Variants in SLC12A5 observed in about 807,000 individuals in gnomAD.
SLC12A5 encodes solute carrier family 12 member 5, also known as K-Cl cotransporter 2.
Under a neutral mutation model 124.0 loss-of-function variants are expected in SLC12A5, and 18 were observed. That is an observed-to-expected ratio of 0.15 (90% CI 0.10 to 0.22). The LOEUF is 0.22. SLC12A5 is among the 10% of genes least tolerant of loss of function. The probability of loss-of-function intolerance (pLI) is 1.00; values close to 1 mark genes in which losing one functional copy is unlikely to be tolerated. For missense variants in SLC12A5, 867 were observed against 1,478.7 expected (o/e 0.59, Z 6.78); for synonymous variants, 589 against 568.0 (o/e 1.04, Z -0.53).
At chr20:46,051,055 G>C (rs2084642237) in intron 17 of SLC12A5, among the ~76,000 whole-genome samples, 1 of 152,132 alleles carries the variant, frequency 6.6e-6, no homozygotes, top group Non-Finnish European at 1.5e-5. Context: ...AGGGGTGGTG[G>C]TTAAGAGTGT....
At chr20:46,028,557 A>G (rs77797882), upstream of SLC12A5, among the ~76,000 whole-genome samples, 1,255 of 152,256 alleles carry the variant, frequency 8.2e-3, 9 homozygotes, top group Non-Finnish European at 0.011. Context: ...TTTAAGACAG[A>G]TTGGGTCAGT....
At chr20:46,022,136 A>T in intron 1 of SLC12A5, 36 of 185,360 alleles carry the variant, frequency 1.9e-4, no homozygotes, top group East Asian at 3.6e-4. Flanking sequence ...GGGCCAGGGA[A>T]GGGGTTTGGA....
At chr20:46,051,925 G>T in intron 18 of SLC12A5, 55 bp downstream of exon 18, 1 of 1,357,884 alleles carries the variant, frequency 7.4e-7, no homozygotes, top group South Asian at 1.4e-5. Context: ...GGCTGTAGAG[G>T]GGTGGAACTG....
rs754540247 is a variant in SLC12A5, at chr20:46,053,680, A to C, written c.2650A>C (p.Ile884Leu). ...DLTTFLYHLR[I>L]TAEVEVVEMH... ...GACCACATTTCTGTATCATTTACGC[A>C]TCACTGCGGAGGTCGAGGTGGTGGA... Residue 884 changes from isoleucine (I) to leucine (L), a missense_variant, in exon 20 of 26, where the codon ATC (isoleucine) becomes CTC (leucine). Ile to Leu is a conservative substitution (Grantham distance 5). This residue lies in a region of SLC12A5 where 70 missense variants were observed against 157.2 expected (regional missense o/e 0.45). Transcript: ENST00000243964. This position sits in a 1 kb window ranked among gnomAD's most constrained non-coding sequence, Gnocchi z 4.7. 1 of 1,608,480 alleles carries C rather than the reference A, an allele frequency of 6.2e-7. No individual in the cohort carries two copies. The highest frequency in any genetic ancestry group is 1.3e-5 in the African/African-American group (1 of 74,958).
chr20:46,031,701 C>T (rs1321345332), intron 1 of SLC12A5, among the ~76,000 whole-genome samples: 1 of 152,202 alleles, frequency 6.6e-6, no homozygotes, highest in Admixed American at 6.5e-5. Flanking sequence ...GCTTCTTAGC[C>T]TGCGCCGCTC....
chr20:46,047,655 T>A, intron 15 of SLC12A5, 82 bp downstream of exon 15: 1 of 1,451,752 alleles, frequency 6.9e-7, no homozygotes, highest in South Asian at 1.3e-5. Flanking sequence ...CATGAGGGAT[T>A]GGGGTGGTGG....
intron 4 of SLC12A5, 142 bp from the exon 5 acceptor site, chr20:46,036,599 A>G: frequency 1.3e-6 from 1 of 755,788 alleles, no homozygotes; most frequent in Non-Finnish European, 2.2e-6. Flanking sequence ...CAGGAGTAGA[A>G]GTTGGAACAG....
At position 46,056,762 on chromosome 20, in the gene SLC12A5, G is replaced by C. The variant is rs746041755; in HGVS notation, c.3111-135G>C. The C allele has an allele frequency of 2.5e-6, 3 of 1,182,384 alleles. No individual in the cohort carries two copies. The highest frequency in any genetic ancestry group is 1.3e-5 in the South Asian group (1 of 78,240). 73.2% of individuals were successfully genotyped at this position (1,182,384 alleles called of 1,614,324 possible). ...CTCAGAATTCCCAGTTGCAGGCAGC[G>C]GAAAGGTGAAGGGTGTGGGGGCTGG... On this transcript the variant is annotated intron_variant, in intron 23 of 25. Coordinates refer to ENST00000243964, the MANE Select transcript of SLC12A5 (RefSeq NM_020708.5). This position sits in a 1 kb window ranked among gnomAD's most constrained non-coding sequence, Gnocchi z 4.3.
At chr20:46,026,874 C>A (rs1415680655), upstream of SLC12A5, among the ~76,000 whole-genome samples, 3 of 152,150 alleles carry the variant, frequency 2.0e-5, no homozygotes, top group Admixed American at 1.3e-4. Context: ...ATCACTCCTG[C>A]CTTCACCCGT....
At chr20:46,052,242 C>A (rs1187124816) in intron 18 of SLC12A5, among the ~76,000 whole-genome samples, 3 of 152,206 alleles carry the variant, frequency 2.0e-5, no homozygotes, top group African/African-American at 7.2e-5. Context: ...GATCAGATTT[C>A]TTGGTAATCG....
intron 14 of SLC12A5, among the ~76,000 whole-genome samples, chr20:46,046,962 G>A (rs934018336): frequency 3.9e-5 from 6 of 152,224 alleles, no homozygotes; most frequent in Non-Finnish European, 8.8e-5. Flanking sequence ...GGCAGACAGA[G>A]CAGAAATGAT....
chr20:46,056,722 G>A lies in SLC12A5; in HGVS notation c.3110+158G>A, dbSNP rs1172626447. Among the ~76,000 whole-genome samples, 3 of 152,122 alleles carry A rather than the reference G, an allele frequency of 2.0e-5. No individual in the cohort carries two copies. The highest frequency in any genetic ancestry group is 4.4e-5 in the Non-Finnish European group (3 of 68,014). ...TCCATCTGAGGACTTAGGGGGTTGG[G>A]CCCCATTGCTAAGTCTCAGAATTCC... On this transcript the variant is annotated intron_variant, in intron 23 of 25. Transcript: ENST00000243964. The surrounding 1 kb of genome is among the most constrained non-coding windows in gnomAD (Gnocchi z 4.3).
At position 46,053,745 on chromosome 20, in the gene SLC12A5, G is replaced by A; in HGVS notation, c.2679+36G>A. The A allele has an allele frequency of 6.5e-7, 1 of 1,529,578 alleles. No homozygotes were observed. Among genetic ancestry groups the A allele is most frequent in the South Asian group, 1.3e-5 (1 of 79,424 alleles). The allele number at this position is 1,529,578 out of a possible 1,614,324, so 94.8% of individuals were successfully genotyped here. Reference sequence around the variant, plus strand: ...AGGAGACACCGCTGGGGTTCCACCTGGCCCTCTTTCCTCTTGGCCCCAGCA... The same window carrying A: ...AGGAGACACCGCTGGGGTTCCACCTAGCCCTCTTTCCTCTTGGCCCCAGCA... On this transcript the variant is annotated intron_variant, in intron 20 of 25. Transcript: ENST00000243964. The surrounding 1 kb of genome is among the most constrained non-coding windows in gnomAD (Gnocchi z 4.7).
chr20:46,039,585 A>G (rs1402065746), intron 6 of SLC12A5, among the ~76,000 whole-genome samples: 8 of 152,000 alleles, frequency 5.3e-5, no homozygotes, highest in Non-Finnish European at 1.2e-4. Flanking sequence ...GACCAGCCTG[A>G]CTGATACGGT....
At chr20:46,025,028 T>C (rs1373159616), upstream of SLC12A5, among the ~76,000 whole-genome samples, 1 of 152,200 alleles carries the variant, frequency 6.6e-6, no homozygotes, top group Non-Finnish European at 1.5e-5. Context: ...GACCACAATG[T>C]AGCCCATCTG....
In SLC12A5 at chr20:46,058,025, G is replaced by T. The variant is rs950319827; in HGVS notation, c.*420G>T. On this transcript the variant is annotated 3_prime_UTR_variant, in exon 26 of 26. Transcript: ENST00000243964. This position sits in a 1 kb window ranked among gnomAD's most constrained non-coding sequence, Gnocchi z 5.8. ...CCTCCGGCGCTGCTCCCTGGCTCCC[G>T]GCGGCCCGGAGGCCCGCGGGGTGGG... The T allele has an allele frequency of 5.6e-6, 1 of 178,136 alleles. No homozygotes were observed. Among genetic ancestry groups the T allele is most frequent in the South Asian group, 1.9e-4 (1 of 5,328 alleles). The allele number at this position is 178,136 out of a possible 1,614,324, so 11.0% of individuals were successfully genotyped here.
chr20:46,053,556 G>A lies in SLC12A5; in HGVS notation c.2548-22G>A. 6.2e-7 allele frequency: 1 copy of A among 1,612,776 alleles called. No homozygotes were observed. The highest frequency in any genetic ancestry group is 1.3e-5 in the African/African-American group (1 of 75,068). ...CATCACATCTGGGCTGGACCTTTCTGAATCCCCTTCATCGCCTGCAGGTCT... is the reference window on the plus strand; with the variant it reads ...CATCACATCTGGGCTGGACCTTTCTAAATCCCCTTCATCGCCTGCAGGTCT... On this transcript the variant is annotated intron_variant, in intron 19 of 25. Transcript: ENST00000243964. The surrounding 1 kb of genome is among the most constrained non-coding windows in gnomAD (Gnocchi z 4.7).
At chr20:46,051,454 G>A (rs2084645625) in intron 17 of SLC12A5, among the ~76,000 whole-genome samples, 1 of 152,076 alleles carries the variant, frequency 6.6e-6, no homozygotes, top group African/African-American at 2.4e-5. Flanking sequence ...CAGAAAGTGT[G>A]GTCAGATCAT....
At position 46,060,040 on chromosome 20, in the gene SLC12A5, C is replaced by A. The variant is rs910230926; in HGVS notation, c.*2435C>A. On this transcript the variant is annotated 3_prime_UTR_variant, in exon 26 of 26. Transcript: ENST00000243964. ...CAATATGAAAAGGAGAGGGTTGGTT[C>A]TTTCCTTTATTGTTGAATGCTCCCA... The A allele has an allele frequency of 1.2e-5, 2 of 165,690 alleles. No homozygotes were observed. The highest frequency in any genetic ancestry group is 2.6e-5 in the Non-Finnish European group (2 of 77,066). 10.3% of individuals were successfully genotyped at this position (165,690 alleles called of 1,614,324 possible).
Sources: gnomAD v4.1 joint callset for allele counts (sites outside exome capture counted in the v4.1 genomes callset) on GRCh38, gnomAD v4.1.1 for gene constraint, gnomAD v4.1.1 regional missense constraint, Gnocchi (gnomAD v3.1) non-coding constraint, MANE v1.5 for transcripts, NCBI Gene and HGNC (gene_info 2026-07-23, HGNC 2026-07-21) for gene names.